BMERB1: variants seen among roughly 807,000 people sequenced by gnomAD.
BMERB1 encodes the protein bMERB domain-containing protein 1.
In BMERB1, 12 loss-of-function variants were observed where a neutral mutation model predicts 23.6. That is an observed-to-expected ratio of 0.51 (90% CI 0.33 to 0.82). The LOEUF (loss-of-function observed/expected upper bound fraction) is 0.82, where lower values mean the gene tolerates loss of function less well. BMERB1 is among the 40% of genes least tolerant of loss of function. The pLI is 0.03. For missense variants in BMERB1, 247 were observed against 255.4 expected (o/e 0.97, Z 0.22); for synonymous variants, 122 against 96.6 (o/e 1.26, Z -1.54).
chr16:15,454,921 T>C (rs1272439637), intron 1 of BMERB1, among the ~76,000 whole-genome samples: 1 of 152,200 alleles, frequency 6.6e-6, no homozygotes, highest in African/African-American at 2.4e-5. Flanking sequence ...ACTGTTCACT[T>C]GGTGAAATTT....
At chr16:15,575,396 A>G (rs1596402437) in intron 3 of BMERB1, among the ~76,000 whole-genome samples, 1 of 152,220 alleles carries the variant, frequency 6.6e-6, no homozygotes, top group Non-Finnish European at 1.5e-5. Flanking sequence ...CTTCTTACTG[A>G]TAAGTTGCTT....
intron 1 of BMERB1, among the ~76,000 whole-genome samples, chr16:15,449,738 C>G: frequency 6.6e-6 from 1 of 151,788 alleles, no homozygotes; most frequent in Non-Finnish European, 1.5e-5. Context: ...TAGAGACAAG[C>G]TTTCACCATA....
At chr16:15,517,224 A>G (rs999811541) in intron 2 of BMERB1, among the ~76,000 whole-genome samples, 1 of 152,188 alleles carries the variant, frequency 6.6e-6, no homozygotes, top group African/African-American at 2.4e-5. Context: ...AGGAAGACAG[A>G]GAGGCCAGGT....
At chr16:15,472,737 G>A (rs2051240652) in intron 1 of BMERB1, among the ~76,000 whole-genome samples, 1 of 152,028 alleles carries the variant, frequency 6.6e-6, no homozygotes, top group Non-Finnish European at 1.5e-5. Context: ...TTACATTTAA[G>A]GCAATTATTA....
chr16:15,561,824 T>C (rs766070398), intron 2 of BMERB1, among the ~76,000 whole-genome samples: 4 of 152,072 alleles, frequency 2.6e-5, no homozygotes, highest in Non-Finnish European at 4.4e-5. Flanking sequence ...CCCCTGGCGT[T>C]CGAAGCTGCA....
rs532935546 is a variant in BMERB1 at position 15,434,836 on chromosome 16, C to T, written c.106+77C>T. On this transcript the variant is annotated intron_variant, in intron 1 of 5. Coordinates refer to ENST00000300006, the MANE Select transcript of BMERB1 (RefSeq NM_033201.3). ...GCCTGCGCGGGTGGTCGCGGGAGCG[C>T]GAGGAACGCCAGCAGTGGACCCAGG... 60 of 1,302,258 alleles carry T rather than the reference C, an allele frequency of 4.6e-5. No homozygotes were observed. The South Asian group carries it at 8.0e-4, about 17-fold the overall frequency. 80.7% of individuals were successfully genotyped at this position (1,302,258 alleles called of 1,614,324 possible).
intron 2 of BMERB1, among the ~76,000 whole-genome samples, chr16:15,517,950 T>G (rs547880964): frequency 3.3e-5 from 5 of 150,502 alleles, no homozygotes; most frequent in Non-Finnish European, 7.4e-5. Flanking sequence ...TGTGGGTGTG[T>G]GTGTGGATGT....
At chr16:15,522,310 C>T (rs952802510) in intron 2 of BMERB1, among the ~76,000 whole-genome samples, 1 of 152,118 alleles carries the variant, frequency 6.6e-6, no homozygotes, top group Non-Finnish European at 1.5e-5. Flanking sequence ...TTTCCAGAGC[C>T]TGGGCTTGAA....
intron 2 of BMERB1, among the ~76,000 whole-genome samples, chr16:15,519,583 G>A (rs1191703634): frequency 6.6e-6 from 1 of 151,978 alleles, no homozygotes; most frequent in East Asian, 1.9e-4. Context: ...TAGAGACAAG[G>A]TTTCACCATG....
At chr16:15,436,648 C>T (rs1177070599) in intron 1 of BMERB1, among the ~76,000 whole-genome samples, 6 of 152,006 alleles carry the variant, frequency 3.9e-5, no homozygotes, top group Admixed American at 2.6e-4. Flanking sequence ...ATTCTATCTA[C>T]CTATATTTTT....
intron 1 of BMERB1, among the ~76,000 whole-genome samples, chr16:15,484,407 C>CTT (rs147271936): frequency 1.4e-5 from 2 of 146,492 alleles, no homozygotes; most frequent in Admixed American, 6.9e-5. Flanking sequence ...CCCCCAACCT[C>CTT]TTTTTTTTTT....
intron 1 of BMERB1, among the ~76,000 whole-genome samples, chr16:15,503,635 A>G (rs1347281647): frequency 6.6e-6 from 1 of 152,016 alleles, no homozygotes; most frequent in East Asian, 1.9e-4. Context: ...GGAGGCCTGG[A>G]ACCAATCCCA....
At chr16:15,566,691 A>G (rs2030574656) in intron 2 of BMERB1, among the ~76,000 whole-genome samples, 1 of 152,038 alleles carries the variant, frequency 6.6e-6, no homozygotes, top group African/African-American at 2.4e-5. Flanking sequence ...AATAAATTTA[A>G]AAAATAAAAA....
intron 1 of BMERB1, among the ~76,000 whole-genome samples, chr16:15,496,297 CTG>C (rs1329057448): frequency 6.6e-6 from 1 of 152,062 alleles, no homozygotes; most frequent in African/African-American, 2.4e-5. Flanking sequence ...ATTGTGATAA[CTG>C]ACATTCACCA....
intron 1 of BMERB1, among the ~76,000 whole-genome samples, chr16:15,492,902 A>G (rs148312509): frequency 6.7e-6 from 1 of 148,840 alleles, no homozygotes; most frequent in Non-Finnish European, 1.5e-5. Flanking sequence ...CTGAGTGACA[A>G]TATGAGATTC....
intron 2 of BMERB1, among the ~76,000 whole-genome samples, chr16:15,521,915 A>G (rs761981742): frequency 2.0e-5 from 3 of 152,136 alleles, no homozygotes; most frequent in Non-Finnish European, 4.4e-5. Flanking sequence ...ACTGCAGGCA[A>G]GAACTCTCAG....
intron 2 of BMERB1, among the ~76,000 whole-genome samples, chr16:15,546,341 G>A (rs555520697): frequency 2.6e-5 from 4 of 152,190 alleles, no homozygotes; most frequent in South Asian, 2.1e-4. Flanking sequence ...AAACCCCGTC[G>A]TTCTAAGCAA....
At chr16:15,474,983 A>G (rs1372635039) in intron 1 of BMERB1, among the ~76,000 whole-genome samples, 1 of 152,000 alleles carries the variant, frequency 6.6e-6, no homozygotes, top group African/African-American at 2.4e-5. Context: ...CACCGCACCC[A>G]GCCTTTCTCT....
At position 15,515,098 on chromosome 16, in the gene BMERB1, A is replaced by C. The variant is rs111475606; in HGVS notation, c.107-207A>C. ...CTCCGTCTAAAAACAAAACAAAACA[A>C]AGCAAACGAAGTAAATTACTTTGGA... On this transcript the variant is annotated intron_variant, in intron 1 of 5. Transcript: ENST00000300006. Among the ~76,000 whole-genome samples, 544 of 152,218 alleles carry C rather than the reference A, an allele frequency of 3.6e-3. 6 individuals carry two copies. The highest frequency in any genetic ancestry group is 0.012 in the African/African-American group (512 of 41,548).
Sources: gnomAD v4.1 joint callset for allele counts (sites outside exome capture counted in the v4.1 genomes callset) on GRCh38, gnomAD v4.1.1 for gene constraint, MANE v1.5 for transcripts, NCBI Gene and HGNC (gene_info 2026-07-23, HGNC 2026-07-21) for gene names.